TNS3: variants seen among roughly 807,000 people sequenced by gnomAD.
The protein encoded by TNS3 is tensin 3, also known as tensin-3.
TNS3 carries 45 observed loss-of-function variants against 140.9 expected under a neutral mutation model. The observed-to-expected ratio is 0.32, with a 90% confidence interval of 0.25 to 0.41. The LOEUF is 0.41. Ranked by LOEUF, TNS3 falls within the 10% of genes least tolerant of loss-of-function variation. The pLI is 1.00. For missense variants in TNS3, 1,716 were observed against 1,906.7 expected (o/e 0.90, Z 1.86); for synonymous variants, 815 against 788.4 (o/e 1.03, Z -0.56).
intron 23 of TNS3, among the ~76,000 whole-genome samples, chr7:47,300,702 T>C (rs1038685183): frequency 6.6e-6 from 1 of 152,150 alleles, no homozygotes; most frequent in Admixed American, 6.5e-5. Flanking sequence ...CTGTGCAGAA[T>C]CTCTTAGGTG....
intron 4 of TNS3, among the ~76,000 whole-genome samples, chr7:47,478,888 A>C (rs182899958): frequency 1.0e-3 from 154 of 152,122 alleles, no homozygotes; most frequent in African/African-American, 3.3e-3. Context: ...TAACAACTAC[A>C]TGCATAACAT....
intron 16 of TNS3, among the ~76,000 whole-genome samples, chr7:47,380,084 C>T (rs1791656304): frequency 1.3e-5 from 2 of 152,260 alleles, no homozygotes; most frequent in Admixed American, 1.3e-4. Context: ...CCAAGCGCTC[C>T]CGCGGTCTCC....
chr7:47,344,995 C>T lies in TNS3; in HGVS notation c.2495G>A (p.Gly832Asp). The change falls in exon 19 of 31, where the codon GGC (glycine) becomes GAC (aspartate). Residue 832 changes from glycine to aspartate, a missense_variant. This residue lies in a region of TNS3 where 1,163 missense variants were observed against 1,182.1 expected (regional missense o/e 0.98). Coordinates refer to ENST00000311160, the MANE Select transcript of TNS3 (RefSeq NM_022748.12). ...GYPQDLDIID[G>D]RILSSKESMC... ...GGACTCCTTGCTACTTAAAATTCTG[C>T]CATCGATAATATCGAGGTCCTGGGG... 1 of 1,614,194 alleles carries T rather than the reference C, an allele frequency of 6.2e-7. No individual in the cohort carries two copies. The highest frequency in any genetic ancestry group is 8.5e-7 in the Non-Finnish European group (1 of 1,180,040).
intron 16 of TNS3, among the ~76,000 whole-genome samples, chr7:47,385,189 T>C (rs955465494): frequency 6.6e-6 from 1 of 152,234 alleles, no homozygotes; most frequent in Non-Finnish European, 1.5e-5. Flanking sequence ...CTCCTGCCTC[T>C]GTCAATCCAG....
intron 1 of TNS3, among the ~76,000 whole-genome samples, chr7:47,569,805 G>A (rs1256381319): frequency 6.6e-6 from 1 of 151,724 alleles, no homozygotes; most frequent in Non-Finnish European, 1.5e-5. Flanking sequence ...AGTGAGCCGA[G>A]ATGGTGCCAC....
At chr7:47,346,601 T>G (rs1193749266) in intron 17 of TNS3, among the ~76,000 whole-genome samples, 1 of 152,182 alleles carries the variant, frequency 6.6e-6, no homozygotes, top group Admixed American at 6.5e-5. Context: ...AGCATGCTCC[T>G]TCCAGAACAG....
At chr7:47,300,468 G>A (rs1054532795) in intron 23 of TNS3, among the ~76,000 whole-genome samples, 6 of 152,250 alleles carry the variant, frequency 3.9e-5, no homozygotes, top group African/African-American at 1.4e-4. Flanking sequence ...CATCTACCAG[G>A]CGCCAGCAAG....
At chr7:47,500,105 A>G (rs888888657) in intron 3 of TNS3, among the ~76,000 whole-genome samples, 1 of 152,194 alleles carries the variant, frequency 6.6e-6, no homozygotes, top group Non-Finnish European at 1.5e-5. Flanking sequence ...ACGCACACAC[A>G]CACACACTTG....
chr7:47,518,173 A>G (rs1200196511), intron 2 of TNS3, among the ~76,000 whole-genome samples: 2 of 152,148 alleles, frequency 1.3e-5, no homozygotes, highest in African/African-American at 4.8e-5. Flanking sequence ...GCCTCCCAAA[A>G]GGGAAGTTAA....
intron 20 of TNS3, among the ~76,000 whole-genome samples, chr7:47,322,983 AG>A (rs1390359333): frequency 3.3e-5 from 5 of 152,164 alleles, no homozygotes; most frequent in Non-Finnish European, 5.9e-5. Context: ...GGAGGCCAGC[AG>A]GGAGGGGTCC....
intron 17 of TNS3, among the ~76,000 whole-genome samples, chr7:47,359,444 C>G (rs145717524): frequency 6.6e-6 from 1 of 151,968 alleles, no homozygotes; most frequent in African/African-American, 2.4e-5. Flanking sequence ...TTTGGGATGA[C>G]GACAAATTTC....
intron 1 of TNS3, among the ~76,000 whole-genome samples, chr7:47,578,223 T>C (rs761828936): frequency 1.4e-4 from 21 of 152,030 alleles, no homozygotes; most frequent in East Asian, 5.8e-4. Context: ...TGAGGCTGAA[T>C]TGCTTGAACC....
Position 47,368,189 on chromosome 7 carries a change from C to A in TNS3, c.2281+176G>T, listed in dbSNP as rs571664582. ...CCAAATCTCCTACCAAGGGACCACA[C>A]CAGCATGACAGCATTTGGATCCTAG... On this transcript the variant is annotated intron_variant, in intron 17 of 30. Transcript: ENST00000311160. Among the ~76,000 whole-genome samples, 7 of 152,332 alleles carry A rather than the reference C, an allele frequency of 4.6e-5. No homozygotes were observed. In the South Asian group the frequency reaches 8.3e-4, roughly 18 times the overall value.
intron 4 of TNS3, among the ~76,000 whole-genome samples, chr7:47,475,659 A>C (rs868107): frequency 0.068 from 10,356 of 152,290 alleles, 391 homozygotes; most frequent in African/African-American, 0.073. Flanking sequence ...ACCTGAGGGC[A>C]TCAAGATTTG....
chr7:47,578,785 A>C (rs118120053), intron 1 of TNS3, among the ~76,000 whole-genome samples: 2 of 152,360 alleles, frequency 1.3e-5, no homozygotes, highest in Admixed American at 1.3e-4. Flanking sequence ...TTCTGCTTTT[A>C]CGAGAAACGG....
At chr7:47,482,253 G>A (rs889957327) in intron 3 of TNS3, among the ~76,000 whole-genome samples, 5 of 152,302 alleles carry the variant, frequency 3.3e-5, no homozygotes, top group Non-Finnish European at 5.9e-5. Flanking sequence ...GGGCGGCGGC[G>A]TAATCTTGGC....
chr7:47,483,361 G>A (rs1194855456), intron 3 of TNS3, among the ~76,000 whole-genome samples: 1 of 152,006 alleles, frequency 6.6e-6, no homozygotes, highest in African/African-American at 2.4e-5. Context: ...AGTAGAGATG[G>A]GGTTTCACTG....
chr7:47,346,740 G>T (rs184591388), intron 17 of TNS3, among the ~76,000 whole-genome samples: 26 of 152,284 alleles, frequency 1.7e-4, no homozygotes, highest in Middle Eastern at 6.8e-3. Context: ...GCCACCCCTG[G>T]TGTCCTGTCA....
chr7:47,401,685 T>C (rs1374910625), intron 13 of TNS3, among the ~76,000 whole-genome samples: 1 of 152,236 alleles, frequency 6.6e-6, no homozygotes, highest in African/African-American at 2.4e-5. Flanking sequence ...CTGAGTGTCC[T>C]GACCTGCCTG....
Sources: allele counts gnomAD v4.1 joint callset (sites outside exome capture counted in the v4.1 genomes callset), GRCh38; gene constraint gnomAD v4.1.1; regional missense constraint gnomAD v4.1.1; transcripts MANE v1.5; gene names NCBI Gene and HGNC (gene_info 2026-07-23, HGNC 2026-07-21).